Variants in FBN2 observed in about 807,000 individuals in gnomAD.
FBN2 encodes the protein fibrillin-2.
Under a neutral mutation model 355.6 loss-of-function variants are expected in FBN2, and 105 were observed. The ratio of observed to expected loss-of-function variants is 0.30; its 90% CI spans 0.25 to 0.35. The LOEUF (loss-of-function observed/expected upper bound fraction) is 0.35. Ranked by LOEUF, FBN2 falls within the 10% of genes least tolerant of loss-of-function variation. FBN2 has a pLI of 1.00. For missense variants in FBN2, 3,280 were observed against 3,758.7 expected, an observed-to-expected ratio of 0.87 and a Z score of 3.33; for synonymous variants, 1,350 against 1,301.2, an observed-to-expected ratio of 1.04 and a Z score of -0.81.
intron 4 of FBN2, 55 bp downstream of exon 4, chr5:128,527,817 T>G (rs1011428190): frequency 8.0e-7 from 1 of 1,256,478 alleles, no homozygotes; most frequent in African/African-American, 1.5e-5. Context: ...AAATTATAAC[T>G]TAATATGAAA....
At chr5:128,269,263 T>C (rs1244175927) in intron 62 of FBN2, among the ~76,000 whole-genome samples, 1 of 143,270 alleles carries the variant, frequency 7.0e-6, no homozygotes, top group Non-Finnish European at 1.5e-5. Context: ...AAAAATACAA[T>C]AATAATAATA....
chr5:128,428,450 C>A (rs1753536892), intron 7 of FBN2, among the ~76,000 whole-genome samples: 1 of 152,114 alleles, frequency 6.6e-6, no homozygotes, highest in African/African-American at 2.4e-5. Flanking sequence ...ACACTGGACT[C>A]CTAATGTCGT....
intron 23 of FBN2, among the ~76,000 whole-genome samples, chr5:128,347,518 G>A (rs756106260): frequency 7.9e-5 from 12 of 152,200 alleles, no homozygotes; most frequent in Non-Finnish European, 1.6e-4. Flanking sequence ...CCCTGTTGTC[G>A]CGTCACTCAT....
intron 18 of FBN2, 101 bp downstream of exon 18, chr5:128,364,499 G>A: frequency 8.0e-7 from 1 of 1,245,248 alleles, no homozygotes; most frequent in East Asian, 2.5e-5. Flanking sequence ...AAGAAAAACT[G>A]TACAATTTTT....
intron 1 of FBN2, 124 bp downstream of exon 1, chr5:128,537,226 G>T: frequency 1.4e-6 from 2 of 1,451,520 alleles, no homozygotes; most frequent in Non-Finnish European, 1.8e-6. Flanking sequence ...TTCTGGCAAA[G>T]GGGGCTGCAG....
At chr5:128,504,064 G>A (rs1755887903) in intron 5 of FBN2, among the ~76,000 whole-genome samples, 1 of 152,194 alleles carries the variant, frequency 6.6e-6, no homozygotes, top group African/African-American at 2.4e-5. Context: ...TGCTTCAGAG[G>A]TTGTAAGCCC....
chr5:128,260,453 T>C (rs571301078), intron 64 of FBN2, among the ~76,000 whole-genome samples: 85 of 152,138 alleles, frequency 5.6e-4, no homozygotes, highest in African/African-American at 1.9e-3. Flanking sequence ...GCTCAGAGGG[T>C]TGGGAGGAGC....
intron 15 of FBN2, 52 bp downstream of exon 15, chr5:128,374,576 T>G (rs1752031880): frequency 1.9e-6 from 3 of 1,611,048 alleles, no homozygotes; most frequent in African/African-American, 2.7e-5. Flanking sequence ...TCTCTGTCAG[T>G]TTTTCAAAGA....
intron 7 of FBN2, among the ~76,000 whole-genome samples, chr5:128,422,759 T>C (rs1753384086): frequency 6.6e-6 from 1 of 152,090 alleles, no homozygotes; most frequent in South Asian, 2.1e-4. Context: ...TAAAACAGAG[T>C]ACAGATGTTA....
At chr5:128,449,799 C>A (rs1754190511) in intron 6 of FBN2, among the ~76,000 whole-genome samples, 1 of 151,564 alleles carries the variant, frequency 6.6e-6, no homozygotes, top group Non-Finnish European at 1.5e-5. Context: ...AGGCTGTCTA[C>A]AAGAAAACTC....
intron 50 of FBN2, among the ~76,000 whole-genome samples, chr5:128,290,471 T>C (rs1749289716): frequency 6.6e-6 from 1 of 152,188 alleles, no homozygotes; most frequent in Non-Finnish European, 1.5e-5. Context: ...ACCTCTCAAA[T>C]TCGTACTTTT....
chr5:128,440,040 GCACAATTTCAACTT>G (rs1369690422), intron 7 of FBN2, among the ~76,000 whole-genome samples: 1 of 152,054 alleles, frequency 6.6e-6, no homozygotes, highest in Non-Finnish European at 1.5e-5. Context: ...GATTTAAATG[GCACAATTTCAACTT>G]TTACTGAAAT....
intron 2 of FBN2, among the ~76,000 whole-genome samples, chr5:128,534,306 G>T (rs1756789424): frequency 6.6e-6 from 1 of 152,062 alleles, no homozygotes; most frequent in African/African-American, 2.4e-5. Flanking sequence ...TTGATTTTGA[G>T]TTTATAACGG....
intron 7 of FBN2, among the ~76,000 whole-genome samples, chr5:128,430,088 T>C (rs1010653821): frequency 1.3e-5 from 2 of 152,152 alleles, no homozygotes; most frequent in Non-Finnish European, 2.9e-5. Context: ...TTTAGTTATT[T>C]TTCTGTTAGG....
chr5:128,354,931 T>C (rs897098274), intron 20 of FBN2, among the ~76,000 whole-genome samples: 13 of 152,138 alleles, frequency 8.5e-5, no homozygotes, highest in African/African-American at 3.1e-4. Context: ...TAGAATTTCA[T>C]TATCAACTAG....
intron 5 of FBN2, among the ~76,000 whole-genome samples, chr5:128,483,658 C>T (rs1031196664): frequency 2.7e-5 from 4 of 149,522 alleles, no homozygotes; most frequent in African/African-American, 4.9e-5. Flanking sequence ...ATTCAGGACA[C>T]GTAAAATGTA....
chr5:128,302,279 G>A (rs1324622555), intron 46 of FBN2, among the ~76,000 whole-genome samples: 1 of 152,190 alleles, frequency 6.6e-6, no homozygotes, highest in East Asian at 1.9e-4. Context: ...AACACATTAT[G>A]CTGTAAATTA....
chr5:128,434,583 G>A (rs1361576125), intron 7 of FBN2, among the ~76,000 whole-genome samples: 1 of 150,678 alleles, frequency 6.6e-6, no homozygotes, highest in Non-Finnish European at 1.5e-5. Flanking sequence ...ATGGAGAAAG[G>A]TTCCCTCTCT....
chr5:128,259,217 T>G lies in FBN2; in HGVS notation c.*238A>C. On this transcript the variant is annotated 3_prime_UTR_variant, in exon 65 of 65. Coordinates refer to ENST00000262464, the MANE Select transcript of FBN2 (RefSeq NM_001999.4). ...CATTTAGGTTTCTTTTAATATATTT[T>G]AAAATGAAGTTATATAAAAAATACA... 1.9e-6 allele frequency: 1 copy of G among 522,006 alleles called. No homozygotes were observed. Among genetic ancestry groups the G allele is most frequent in the South Asian group, 2.4e-5 (1 of 41,180 alleles). The allele number at this position is 522,006 out of a possible 1,614,324, so 32.3% of individuals were successfully genotyped here.
Sources: gnomAD v4.1 joint callset for allele counts (sites outside exome capture counted in the v4.1 genomes callset) on GRCh38, gnomAD v4.1.1 for gene constraint, MANE v1.5 for transcripts, NCBI Gene and HGNC (gene_info 2026-07-23, HGNC 2026-07-21) for gene names.